The following CALCOCO2 variants were observed in gnomAD, a reference collection of about 807,000 sequenced individuals.
CALCOCO2 encodes calcium binding and coiled-coil domain 2, also known as calcium-binding and coiled-coil domain-containing protein 2.
Under a neutral mutation model 62.5 loss-of-function variants are expected in CALCOCO2, and 42 were observed. The observed-to-expected ratio is 0.67, with a 90% confidence interval of 0.53 to 0.87. The LOEUF (loss-of-function observed/expected upper bound fraction) is 0.87, where lower values mean the gene tolerates loss of function less well. Ranked by LOEUF, CALCOCO2 falls within the 40% of genes least tolerant of loss-of-function variation. CALCOCO2 has a pLI of 0.00. For synonymous variants in CALCOCO2, 167 were observed against 173.0 expected (o/e 0.97, Z 0.27); for missense variants, 456 against 515.0 (o/e 0.89, Z 1.11).
At chr17:48,842,063 C>A in intron 2 of CALCOCO2, 176 bp downstream of exon 2, 3 of 366,588 alleles carry the variant, frequency 8.2e-6, no homozygotes, top group Admixed American at 4.6e-5. Context: ...CTGTGGGACT[C>A]AAATTTTCAT....
Position 48,851,383 on chromosome 17 carries a change from A to T in CALCOCO2, c.633-176A>T, listed in dbSNP as rs993384753. On this transcript the variant is annotated intron_variant, in intron 6 of 12. Coordinates refer to ENST00000258947, the MANE Select transcript of CALCOCO2 (RefSeq NM_005831.5). The stretch of plus-strand genomic sequence containing the variant: ...CTGATTTCAAATATTAACTTTAGGG[A>T]TTGAATACTTGCAGTTTTTTGGAGT... 9 of 623,310 alleles carry T rather than the reference A, an allele frequency of 1.4e-5. No individual in the cohort carries two copies. Among genetic ancestry groups the T allele is most frequent in the African/African-American group, 9.2e-5 (5 of 54,208 alleles). 38.6% of individuals were successfully genotyped at this position (623,310 alleles called of 1,614,324 possible).
At chr17:48,857,771 G>GA (rs2040241145) in intron 10 of CALCOCO2, among the ~76,000 whole-genome samples, 1 of 148,816 alleles carries the variant, frequency 6.7e-6, no homozygotes, top group African/African-American at 2.5e-5. Context: ...TCAGGAGATC[G>GA]AGACCATCCT....
chr17:48,846,200 A>ATG, intron 2 of CALCOCO2: 2 of 603,910 alleles, frequency 3.3e-6, no homozygotes, highest in Non-Finnish European at 5.5e-6. Flanking sequence ...GCAGAGGTGC[A>ATG]ATCTGGGCTC....
intron 9 of CALCOCO2, among the ~76,000 whole-genome samples, chr17:48,854,080 C>A (rs1286548879): frequency 6.6e-6 from 1 of 151,870 alleles, no homozygotes; most frequent in Admixed American, 6.6e-5. Flanking sequence ...CTTTGGGAGG[C>A]GGAGGCAGGT....
chr17:48,846,764 T>A (rs1401513449), intron 2 of CALCOCO2, among the ~76,000 whole-genome samples: 1 of 152,212 alleles, frequency 6.6e-6, no homozygotes, highest in Non-Finnish European at 1.5e-5. Context: ...CAACCCTGCT[T>A]TGATTCCTTA....
At chr17:48,831,738 G>A (rs2143551001) in intron 1 of CALCOCO2, 1 of 152,304 alleles carries the variant, frequency 6.6e-6, no homozygotes, top group South Asian at 2.1e-4. Flanking sequence ...CCCACTGGAC[G>A]TGTTAACTCT....
intron 10 of CALCOCO2, 123 bp downstream of exon 10, chr17:48,856,310 T>C: frequency 1.7e-6 from 1 of 588,894 alleles, no homozygotes; most frequent in Admixed American, 3.0e-5. Flanking sequence ...GTGAAACAGT[T>C]GTTCCTAAAC....
intron 1 of CALCOCO2, chr17:48,831,343 G>A (rs1323056912): frequency 6.6e-6 from 1 of 152,154 alleles, no homozygotes; most frequent in Non-Finnish European, 1.5e-5. Context: ...GGGAAGAAGT[G>A]ACACCCCTGG....
chr17:48,841,170 A>G (rs1347826615), intron 1 of CALCOCO2, among the ~76,000 whole-genome samples: 1 of 152,186 alleles, frequency 6.6e-6, no homozygotes, highest in East Asian at 1.9e-4. Flanking sequence ...TTTAGAACCC[A>G]TGCTTGTCAC....
chr17:48,839,252 C>T (rs1181924578), intron 1 of CALCOCO2: 1 of 152,338 alleles, frequency 6.6e-6, no homozygotes, highest in Non-Finnish European at 1.5e-5. Flanking sequence ...CATGATCCAC[C>T]CACCTCTGCC....
intron 1 of CALCOCO2, among the ~76,000 whole-genome samples, chr17:48,840,422 T>C (rs577275): frequency 0.98 from 149,105 of 152,292 alleles, 73,090 homozygotes; most frequent in East Asian, 1. Context: ...TGAGCCACTG[T>C]GCCCAGCCAC....
At chr17:48,852,306 C>G (rs1329764784) in intron 7 of CALCOCO2, 200 bp from the exon 8 acceptor site, 1 of 507,432 alleles carries the variant, frequency 2.0e-6, no homozygotes, top group Non-Finnish European at 3.6e-6. Flanking sequence ...GAATATAGAG[C>G]AGATAGCAGA....
Position 48,851,636 on chromosome 17 carries a change from A to G in CALCOCO2, c.702+8A>G, listed in dbSNP as rs746406118. The G allele has an allele frequency of 6.6e-7, 1 of 1,510,224 alleles. No homozygotes were observed. The highest frequency in any genetic ancestry group is 1.4e-5 in the African/African-American group (1 of 73,064). The allele number at this position is 1,510,224 out of a possible 1,614,324, so 93.6% of individuals were successfully genotyped here. ...AGAGTGGATCAGCTTCAGGTAGGTA[A>G]TGCCATATGTTTGTCAAAGGATATT... is the stretch of plus-strand genomic sequence containing the variant. On this transcript the variant is annotated splice_region_variant and intron_variant, in intron 7 of 12. Coordinates refer to ENST00000258947, the MANE Select transcript of CALCOCO2 (RefSeq NM_005831.5).
At chr17:48,851,680 C>G (rs756117813) in intron 7 of CALCOCO2, 52 bp downstream of exon 7, 3 of 1,046,058 alleles carry the variant, frequency 2.9e-6, no homozygotes, top group Admixed American at 1.7e-5. Flanking sequence ...CTTACCACTG[C>G]TCCAATTTGG....
intron 1 of CALCOCO2, among the ~76,000 whole-genome samples, chr17:48,834,145 T>G: frequency 7.2e-6 from 1 of 139,302 alleles, no homozygotes; most frequent in Non-Finnish European, 1.5e-5. Context: ...AGAGCAGAAG[T>G]AGAACAGGCT....
At position 48,852,603 on chromosome 17, in the gene CALCOCO2, A is replaced by G. The variant is rs765959609; in HGVS notation, c.800A>G (p.His267Arg). ...QLEQLKKEND[H>R]LFLSLTEQRK... ...GAGCAGCTGAAAAAGGAAAATGACCACCTCTTTCTCAGTTTAACTGAACAG... is the reference window on the plus strand; with the variant it reads ...GAGCAGCTGAAAAAGGAAAATGACCGCCTCTTTCTCAGTTTAACTGAACAG... The change falls in exon 8 of 13, where the codon CAC (histidine) becomes CGC (arginine). Residue 267 changes from histidine (H) to arginine (R), a missense_variant. Around this residue, in one of 3 missense-constraint regions of CALCOCO2, gnomAD observed 172 missense variants for 210.3 expected, o/e 0.82. Coordinates refer to ENST00000258947, the MANE Select transcript of CALCOCO2 (RefSeq NM_005831.5). The G allele has an allele frequency of 5.5e-5, 88 of 1,613,436 alleles. No individual in the cohort carries two copies. The highest frequency in any genetic ancestry group is 4.3e-4 in the Admixed American group (26 of 59,974).
At chr17:48,847,459 T>C (rs560220126) in intron 2 of CALCOCO2, among the ~76,000 whole-genome samples, 1 of 152,284 alleles carries the variant, frequency 6.6e-6, no homozygotes, top group South Asian at 2.1e-4. Context: ...TGGAGCTTTT[T>C]TCCTGGGTGG....
chr17:48,851,593 A>G lies in CALCOCO2; in HGVS notation c.667A>G (p.Asn223Asp). Reference protein sequence around the residue: ...KEQNQKMSSENEKMGIRVDQL... With the variant: ...KEQNQKMSSEDEKMGIRVDQL... ...ACAAAACCAGAAGATGTCCTCAGAA[A>G]ATGAGAAGATGGGAATCAGAGTGGA... The change falls in exon 7 of 13, where the codon AAT becomes GAT. Residue 223 changes from asparagine (N) to aspartate (D), a missense_variant. By Grantham distance (23) the Asn-to-Asp change is conservative (BLOSUM62 1). This residue lies in a region of CALCOCO2 where 236 missense variants were observed against 225.3 expected (regional missense o/e 1.05). Coordinates refer to ENST00000258947, the MANE Select transcript of CALCOCO2 (RefSeq NM_005831.5). 8 of 1,604,372 alleles carry G rather than the reference A, an allele frequency of 5.0e-6. No individual in the cohort carries two copies. The highest frequency in any genetic ancestry group is 6.8e-6 in the Non-Finnish European group (8 of 1,171,016).
chr17:48,858,051 G>GAATAGAGAATAGAA lies in CALCOCO2; in HGVS notation c.1008+1870_1008+1871insGAATAGAAAATAGA, dbSNP rs1567759507. Reference sequence around the variant, plus strand: ...ATAGAATAGAATAGAATAGAAAATAGAATAGAATAGAATAGAATAGAATTT... The same window carrying GAATAGAGAATAGAA: ...ATAGAATAGAATAGAATAGAAAATAGAATAGAGAATAGAAAATAGAATAGAATAGAATAGAATTT... On this transcript the variant is annotated intron_variant, in intron 10 of 12. Coordinates refer to ENST00000258947, the MANE Select transcript of CALCOCO2 (RefSeq NM_005831.5). Among the ~76,000 whole-genome samples, 6 of 120,870 alleles carry GAATAGAGAATAGAA rather than the reference G, an allele frequency of 5.0e-5. 2 individuals are homozygous for GAATAGAGAATAGAA. The highest frequency in any genetic ancestry group is 1.5e-4 in the African/African-American group (5 of 33,058). 79.3% of individuals were successfully genotyped at this position (120,870 alleles called of 152,430 possible).
Sources: allele counts gnomAD v4.1 joint callset (sites outside exome capture counted in the v4.1 genomes callset), GRCh38; gene constraint gnomAD v4.1.1; regional missense constraint gnomAD v4.1.1; transcripts MANE v1.5; gene names NCBI Gene and HGNC (gene_info 2026-07-23, HGNC 2026-07-21).